The following CIITA variants were observed in gnomAD, a reference collection of about 807,000 sequenced individuals.
The protein encoded by CIITA is class II major histocompatibility complex transactivator.
A neutral mutation model predicts 115.1 loss-of-function variants in CIITA; 72 were observed. That is an observed-to-expected ratio of 0.63 (90% CI 0.52 to 0.76). CIITA has a LOEUF of 0.76. CIITA is among the 30% of genes least tolerant of loss of function. The pLI is 0.00. For synonymous variants in CIITA, 763 were observed against 635.6 expected, an observed-to-expected ratio of 1.20 and a Z score of -3.02; for missense variants, 1,617 against 1,463.8, an observed-to-expected ratio of 1.10 and a Z score of -1.71.
At position 10,901,406 on chromosome 16, in the gene CIITA, C is replaced by A; in HGVS notation, c.437-108C>A. The A allele has an allele frequency of 8.3e-7, 1 of 1,209,998 alleles. No homozygotes were observed. Among genetic ancestry groups the A allele is most frequent in the Non-Finnish European group, 1.2e-6 (1 of 825,206 alleles). The allele number at this position is 1,209,998 out of a possible 1,614,324, so 75.0% of individuals were successfully genotyped here. ...GGGGAGGAAAATGGACCCCCAAGACCACTACCCAGCCTTGAAGTTAAGGCC... is the reference window on the plus strand; with the variant it reads ...GGGGAGGAAAATGGACCCCCAAGACAACTACCCAGCCTTGAAGTTAAGGCC... On this transcript the variant is annotated intron_variant, in intron 5 of 19. Coordinates refer to ENST00000324288, the MANE Select transcript of CIITA (RefSeq NM_000246.4). The surrounding 1 kb of genome is among the most constrained non-coding windows in gnomAD (Gnocchi z 6.8).
intron 5 of CIITA, among the ~76,000 whole-genome samples, chr16:10,899,653 C>T (rs1427104262): frequency 6.6e-6 from 1 of 152,182 alleles, no homozygotes; most frequent in South Asian, 2.1e-4. Flanking sequence ...TGAATGAAAA[C>T]ATCTGTAAAA....
rs769472311 is a variant in CIITA, at chr16:10,908,028, C to T, written c.2536C>T (p.His846Tyr). ...CACCCGCCTCACGCCTCCTGATGCA[C>T]ATGTACTGGGCAAGGCCTTGGAGGC... ...LGTRLTPPDA[H>Y]VLGKALEAAG... is the part of the protein sequence containing the mutation. The change falls in exon 11 of 20, where the codon CAT becomes TAT. Residue 846 changes from histidine to tyrosine, a missense_variant. Coordinates refer to ENST00000324288, the MANE Select transcript of CIITA (RefSeq NM_000246.4). 42 of 1,611,222 alleles carry T rather than the reference C, an allele frequency of 2.6e-5. No individual in the cohort carries two copies. The highest frequency in any genetic ancestry group is 3.3e-5 in the Admixed American group (2 of 59,938).
chr16:10,906,435 T>C, intron 10 of CIITA, 64 bp from the exon 11 acceptor site: 7 of 1,555,518 alleles, frequency 4.5e-6, no homozygotes, highest in Non-Finnish European at 6.2e-6. Flanking sequence ...GCTGGCCTTG[T>C]GGTGGCTGGC....
At chr16:10,894,172 T>C (rs1335014834) in intron 1 of CIITA, among the ~76,000 whole-genome samples, 1 of 152,144 alleles carries the variant, frequency 6.6e-6, no homozygotes, top group Non-Finnish European at 1.5e-5. Context: ...TATGTCTCCA[T>C]GGATTTGCCT....
At chr16:10,895,195 C>G in intron 1 of CIITA, 87 bp from the exon 2 acceptor site, 3 of 1,508,142 alleles carry the variant, frequency 2.0e-6, no homozygotes, top group Non-Finnish European at 2.7e-6. Flanking sequence ...ATCCCCAGCC[C>G]TCACCAGCTG....
At chr16:10,882,754 G>C (rs974568903) in intron 1 of CIITA, among the ~76,000 whole-genome samples, 1 of 151,864 alleles carries the variant, frequency 6.6e-6, no homozygotes, top group African/African-American at 2.4e-5. Context: ...AAAATTAGCC[G>C]GGTGTAGTGG....
rs1328031438 is a variant in CIITA, at chr16:10,902,765, G to T, written c.736G>T (p.Ala246Ser). The T allele has an allele frequency of 6.2e-7, 1 of 1,614,216 alleles. No individual in the cohort carries two copies. Among genetic ancestry groups the T allele is most frequent in the Admixed American group, 1.7e-5 (1 of 60,024 alleles). ...LPHGLWQISE[A>S]GTGVSSIFIY... ...CCATGGGCTCTGGCAAATCTCTGAG[G>T]CTGGAACAGGGGTCTCCAGTATATT... Residue 246 changes from alanine to serine, a missense_variant, in exon 8 of 20, where the codon GCT (alanine) becomes TCT (serine). Transcript: ENST00000324288.
At chr16:10,873,340 A>G (rs939869776), upstream of CIITA, among the ~76,000 whole-genome samples, 5 of 152,248 alleles carry the variant, frequency 3.3e-5, no homozygotes, top group Non-Finnish European at 7.3e-5. Context: ...GATCCTAGAC[A>G]TTAACAGATG....
At chr16:10,889,691 G>C (rs2037349407) in intron 1 of CIITA, among the ~76,000 whole-genome samples, 1 of 152,004 alleles carries the variant, frequency 6.6e-6, no homozygotes, top group Non-Finnish European at 1.5e-5. Flanking sequence ...GGCTAATTTT[G>C]TATTTTTAGT....
Position 10,896,627 on chromosome 16 carries a change from G to T in CIITA, c.295+863G>T, listed in dbSNP as rs147259618. On this transcript the variant is annotated intron_variant, in intron 3 of 19. Transcript: ENST00000324288. ...AAGTGGCCTTTTTCTGGAGGATGCAGCCCCTACCAGGAAGTAACTGCTTGG... is the reference window on the plus strand; with the variant it reads ...AAGTGGCCTTTTTCTGGAGGATGCATCCCCTACCAGGAAGTAACTGCTTGG... Among the ~76,000 whole-genome samples the T allele has an allele frequency of 1.2e-4, 19 of 152,324 alleles. No homozygotes were observed. In the East Asian group the frequency reaches 3.3e-3, roughly 26 times the overall value.
intron 5 of CIITA, 124 bp downstream of exon 5, chr16:10,899,126 TA>T (rs1486678025): frequency 1.7e-5 from 15 of 880,932 alleles, no homozygotes; most frequent in Non-Finnish European, 2.4e-5. Flanking sequence ...GGAGGCCCTT[TA>T]AAAGCCAACA....
At chr16:10,894,297 C>G (rs113637280) in intron 1 of CIITA, among the ~76,000 whole-genome samples, 257 of 152,298 alleles carry the variant, frequency 1.7e-3, no homozygotes, top group African/African-American at 5.5e-3. Flanking sequence ...TCAGTGCTTT[C>G]TCCCTTTAAT....
chr16:10,896,672 A>G (rs1284442287), intron 3 of CIITA, among the ~76,000 whole-genome samples: 1 of 152,234 alleles, frequency 6.6e-6, no homozygotes, highest in African/African-American at 2.4e-5. Flanking sequence ...TGCAAGCCGG[A>G]GTCCTGCCCC....
rs368864099 is a variant in CIITA, at chr16:10,869,349, C to A, written c.-21+3030C>A. Among the ~76,000 whole-genome samples the A allele has an allele frequency of 1.7e-4, 26 of 152,328 alleles. No homozygotes were observed. In the East Asian group the frequency reaches 3.5e-3, roughly 20 times the overall value. On this transcript the variant is annotated intron_variant, in intron 1 of 5. Transcript: ENST00000636238. Reference sequence around the variant, plus strand: ...CACTGTCTGCCTCAGAACCTTTGCACATGCCGTTCCCTCTGCCTGGAGCAC... The same window carrying A: ...CACTGTCTGCCTCAGAACCTTTGCAAATGCCGTTCCCTCTGCCTGGAGCAC...
intron 1 of CIITA, among the ~76,000 whole-genome samples, chr16:10,892,135 C>T (rs1310937077): frequency 6.6e-6 from 1 of 152,008 alleles, no homozygotes; most frequent in Admixed American, 6.6e-5. Flanking sequence ...ACCAGCCTGA[C>T]CAACATGGTG....
At chr16:10,890,232 G>T (rs550825682) in intron 1 of CIITA, among the ~76,000 whole-genome samples, 2 of 152,180 alleles carry the variant, frequency 1.3e-5, no homozygotes, top group African/African-American at 4.8e-5. Flanking sequence ...CTTCTCAGTG[G>T]TGGTGATGGG....
rs1049124594 is a variant in CIITA, at chr16:10,929,300, G to A, written c.*5445G>A. The A allele has an allele frequency of 5.8e-5, 57 of 985,938 alleles. No individual in the cohort carries two copies. The African/African-American group carries it at 8.2e-4, about 14-fold the overall frequency. 61.1% of individuals were successfully genotyped at this position (985,938 alleles called of 1,614,324 possible). A position where few individuals can be genotyped will look rare whatever the true frequency, so the allele number is the denominator to read the frequency against. The stretch of plus-strand genomic sequence containing the variant: ...AAGGTGAAGTGGGGGAAGCAGGTGC[G>A]CTCCGGGATGAAGTGCAGGGAGGCA... On this transcript the variant is annotated 3_prime_UTR_variant, in exon 20 of 20. Coordinates refer to ENST00000324288, the MANE Select transcript of CIITA (RefSeq NM_000246.4). This position sits in a 1 kb window ranked among gnomAD's most constrained non-coding sequence, Gnocchi z 4.3.
In CIITA at chr16:10,907,627, T is replaced by C. The variant is rs1271532108; in HGVS notation, c.2135T>C (p.Leu712Pro). 2.5e-6 allele frequency: 4 copies of C among 1,614,100 alleles called. No individual in the cohort carries two copies. The East Asian group carries it at 6.7e-5, about 27-fold the overall frequency. The change falls in exon 11 of 20, where the codon CTC (leucine) becomes CCC (proline). Residue 712 changes from leucine to proline, a missense_variant. Physicochemically the swap from Leu to Pro is moderately conservative, Grantham distance 98. Coordinates refer to ENST00000324288, the MANE Select transcript of CIITA (RefSeq NM_000246.4). The surrounding 1 kb of genome is among the most constrained non-coding windows in gnomAD (Gnocchi z 5.0). Reference sequence around the variant, plus strand: ...TCCGAGCTGGCCTTCCCCAGCTTCCTCCTGCAATGCTTCCTGGGGGCCCTG... The same window carrying C: ...TCCGAGCTGGCCTTCCCCAGCTTCCCCCTGCAATGCTTCCTGGGGGCCCTG... ...AESELAFPSFLLQCFLGALWL... is the reference protein window; with the variant it reads ...AESELAFPSFPLQCFLGALWL...
At position 10,907,477 on chromosome 16, in the gene CIITA, A is replaced by G. The variant is rs1733250464; in HGVS notation, c.1985A>G (p.Lys662Arg). The G allele has an allele frequency of 6.2e-7, 1 of 1,613,592 alleles. No individual in the cohort carries two copies. Among genetic ancestry groups the G allele is most frequent in the Non-Finnish European group, 8.5e-7 (1 of 1,179,964 alleles). Residue 662 changes from lysine to arginine, a missense_variant, in exon 11 of 20, where the codon AAG becomes AGG. Transcript: ENST00000324288. The surrounding 1 kb of genome is among the most constrained non-coding windows in gnomAD (Gnocchi z 5.0). ...CCCGGGGCCCTGGCAGAGCTGGCCAAGCTGGCCTGGGAGCTGGGCCGCAGA... is the reference window on the plus strand; with the variant it reads ...CCCGGGGCCCTGGCAGAGCTGGCCAGGCTGGCCTGGGAGCTGGGCCGCAGA... ...SPPGALAELA[K>R]LAWELGRRHQ...
Sources: gnomAD v4.1 joint callset for allele counts (sites outside exome capture counted in the v4.1 genomes callset) on GRCh38, gnomAD v4.1.1 for gene constraint, Gnocchi (gnomAD v3.1) non-coding constraint, MANE v1.5 for transcripts, NCBI Gene and HGNC (gene_info 2026-07-23, HGNC 2026-07-21) for gene names.